CSMD2: variants seen among roughly 807,000 people sequenced by gnomAD.
CSMD2 encodes CUB and Sushi multiple domains 2.
In CSMD2, 130 loss-of-function variants were observed where a neutral mutation model predicts 398.5. The ratio of observed to expected loss-of-function variants is 0.33; its 90% CI spans 0.28 to 0.38. CSMD2 has a LOEUF of 0.38. Ranked by LOEUF, CSMD2 falls within the 10% of genes least tolerant of loss-of-function variation. The pLI is 1.00. For missense variants in CSMD2, 3,829 were observed against 4,764.9 expected, an observed-to-expected ratio of 0.80 and a Z score of 5.78; for synonymous variants, 1,828 against 1,908.5, an observed-to-expected ratio of 0.96 and a Z score of 1.10.
chr1:33,573,208 G>C (rs763199105), intron 49 of CSMD2, among the ~76,000 whole-genome samples: 8 of 152,182 alleles, frequency 5.3e-5, no homozygotes, highest in Non-Finnish European at 8.8e-5. Flanking sequence ...ACTGATAGGA[G>C]AGACTTTGTG....
At chr1:34,165,420 G>A, upstream of CSMD2, 2 of 735,194 alleles carry the variant, frequency 2.7e-6, no homozygotes, top group Non-Finnish European at 3.9e-6. Flanking sequence ...TAAAATATTG[G>A]GGGGCGGGGG....
chr1:34,028,088 G>A (rs1227301572), intron 3 of CSMD2, among the ~76,000 whole-genome samples: 3 of 152,160 alleles, frequency 2.0e-5, no homozygotes, highest in African/African-American at 7.2e-5. Context: ...GGAGGTCGAG[G>A]CAGGCAGATC....
At chr1:33,658,833 G>A (rs953738641) in intron 26 of CSMD2, among the ~76,000 whole-genome samples, 1 of 152,206 alleles carries the variant, frequency 6.6e-6, no homozygotes, top group East Asian at 1.9e-4. Context: ...CACTGCACTC[G>A]AGTGTGGGTG....
intron 3 of CSMD2, among the ~76,000 whole-genome samples, chr1:33,989,679 G>T (rs1205860453): frequency 6.6e-6 from 1 of 152,120 alleles, no homozygotes; most frequent in Non-Finnish European, 1.5e-5. Context: ...TGATACACAT[G>T]ACAACACATG....
At chr1:33,915,512 T>G (rs1247057044) in intron 5 of CSMD2, among the ~76,000 whole-genome samples, 3 of 152,194 alleles carry the variant, frequency 2.0e-5, no homozygotes, top group African/African-American at 7.2e-5. Flanking sequence ...CCTAATAATT[T>G]CCTCTGCTTA....
rs1169510992 is a variant in CSMD2 at position 33,559,264 on chromosome 1, G to C, written c.8554+36C>G. On this transcript the variant is annotated intron_variant, in intron 54 of 70. Coordinates refer to ENST00000373381, the MANE Select transcript of CSMD2 (RefSeq NM_001281956.2). The surrounding 1 kb of genome is among the most constrained non-coding windows in gnomAD (Gnocchi z 4.0). ...CTACAGAACCACATATAGCAGAGAT[G>C]GTGGGGACTGGATTGGGAGAGAAAG... 1 of 1,521,932 alleles carries C rather than the reference G, an allele frequency of 6.6e-7. No homozygotes were observed. The highest frequency in any genetic ancestry group is 1.4e-5 in the African/African-American group (1 of 72,896). The allele number at this position is 1,521,932 out of a possible 1,614,324, so 94.3% of individuals were successfully genotyped here.
chr1:33,881,882 G>A (rs543843417), intron 5 of CSMD2, among the ~76,000 whole-genome samples: 25 of 151,572 alleles, frequency 1.6e-4, no homozygotes, highest in Admixed American at 5.9e-4. Context: ...AAATTTATTC[G>A]AAAGTTTCTG....
At chr1:33,788,519 A>AG in intron 12 of CSMD2, 81 bp downstream of exon 12, 1 of 835,588 alleles carries the variant, frequency 1.2e-6, no homozygotes, top group African/African-American at 1.7e-5. Context: ...AAAAAAAAAA[A>AG]AAAAAAAATT....
chr1:33,551,157 C>T lies in CSMD2; in HGVS notation c.8744-807G>A, dbSNP rs148838747. Among the ~76,000 whole-genome samples, 42 of 152,276 alleles carry T rather than the reference C, an allele frequency of 2.8e-4. No homozygotes were observed. In the East Asian group the frequency reaches 5.4e-3, roughly 20 times the overall value. ...GTTGGGGATGGAACATCAGGTATAACGGGCCAGAGGCCAGAGTGAGTTTGC... is the reference window on the plus strand; with the variant it reads ...GTTGGGGATGGAACATCAGGTATAATGGGCCAGAGGCCAGAGTGAGTTTGC... On this transcript the variant is annotated intron_variant, in intron 55 of 70. Transcript: ENST00000373381.
At chr1:34,037,222 G>A (rs1651252741) in intron 2 of CSMD2, among the ~76,000 whole-genome samples, 1 of 152,138 alleles carries the variant, frequency 6.6e-6, no homozygotes, top group South Asian at 2.1e-4. Context: ...AGTCTCCCTG[G>A]ATTGGGCTTT....
chr1:33,539,002 C>G (rs1656070389), intron 60 of CSMD2, among the ~76,000 whole-genome samples: 1 of 151,988 alleles, frequency 6.6e-6, no homozygotes, highest in Non-Finnish European at 1.5e-5. Flanking sequence ...GAGTCTCACT[C>G]TGTCGCCCAG....
At chr1:33,760,764 A>T (rs577850331) in intron 13 of CSMD2, among the ~76,000 whole-genome samples, 1 of 152,044 alleles carries the variant, frequency 6.6e-6, no homozygotes, top group Non-Finnish European at 1.5e-5. Context: ...ATTTTGGCTG[A>T]ATTTGAAACA....
chr1:33,544,766 T>C (rs1336622169), intron 57 of CSMD2, among the ~76,000 whole-genome samples: 1 of 151,688 alleles, frequency 6.6e-6, no homozygotes, highest in East Asian at 1.9e-4. Flanking sequence ...AGGGAGACTA[T>C]AGTCAAAAAT....
At chr1:33,980,506 G>C (rs1199451239) in intron 3 of CSMD2, among the ~76,000 whole-genome samples, 1 of 152,150 alleles carries the variant, frequency 6.6e-6, no homozygotes, top group Admixed American at 6.5e-5. Flanking sequence ...AACAAGAAAG[G>C]GATGACTTGT....
intron 1 of CSMD2, among the ~76,000 whole-genome samples, chr1:34,114,974 G>T (rs570651549): frequency 6.6e-6 from 1 of 152,018 alleles, no homozygotes; most frequent in South Asian, 2.1e-4. Flanking sequence ...TTTACTGGAG[G>T]GGTTCAATAA....
At chr1:33,523,702 T>C (rs1654516804) in intron 66 of CSMD2, among the ~76,000 whole-genome samples, 1 of 152,246 alleles carries the variant, frequency 6.6e-6, no homozygotes, top group African/African-American at 2.4e-5. Flanking sequence ...TGTGAGAATA[T>C]GATTTTGTCT....
chr1:33,607,756 C>T (rs1640717531), intron 41 of CSMD2, among the ~76,000 whole-genome samples: 1 of 152,182 alleles, frequency 6.6e-6, no homozygotes, highest in African/African-American at 2.4e-5. Context: ...CAGGTGAACG[C>T]TGAGGGAGTG....
chr1:33,852,862 T>C (rs1180477564), intron 5 of CSMD2, among the ~76,000 whole-genome samples: 1 of 152,240 alleles, frequency 6.6e-6, no homozygotes, highest in East Asian at 1.9e-4. Context: ...CATTCATTCA[T>C]TTACAAATTG....
At chr1:33,808,647 A>G (rs1236324770) in intron 10 of CSMD2, among the ~76,000 whole-genome samples, 1 of 152,058 alleles carries the variant, frequency 6.6e-6, no homozygotes, top group African/African-American at 2.4e-5. Context: ...AGATTGAAAA[A>G]TAATGAACAA....
Sources: gnomAD v4.1 joint callset for allele counts (sites outside exome capture counted in the v4.1 genomes callset) on GRCh38, gnomAD v4.1.1 for gene constraint, Gnocchi (gnomAD v3.1) non-coding constraint, MANE v1.5 for transcripts, NCBI Gene and HGNC (gene_info 2026-07-23, HGNC 2026-07-21) for gene names.